The following SLC4A4 variants were observed in gnomAD, a reference collection of about 807,000 sequenced individuals.
The protein encoded by SLC4A4 is solute carrier family 4 member 4, also known as electrogenic sodium bicarbonate cotransporter 1.
SLC4A4 carries 27 observed loss-of-function variants against 111.5 expected under a neutral mutation model. The ratio of observed to expected loss-of-function variants is 0.24; its 90% CI spans 0.18 to 0.33. The LOEUF is 0.33. Ranked by LOEUF, SLC4A4 falls within the 10% of genes least tolerant of loss-of-function variation. SLC4A4 has a pLI of 1.00. For synonymous variants in SLC4A4, 443 were observed against 463.4 expected, an observed-to-expected ratio of 0.96 and a Z score of 0.57; for missense variants, 909 against 1,315.5, an observed-to-expected ratio of 0.69 and a Z score of 4.78.
At chr4:71,557,402 T>C (rs1471733237) in intron 21 of SLC4A4, among the ~76,000 whole-genome samples, 1 of 151,938 alleles carries the variant, frequency 6.6e-6, no homozygotes, top group Non-Finnish European at 1.5e-5. Flanking sequence ...TCCACTTTCC[T>C]GAGACTCAGA....
intron 2 of SLC4A4, among the ~76,000 whole-genome samples, chr4:71,097,912 G>A (rs150845539): frequency 3.9e-5 from 6 of 152,164 alleles, no homozygotes; most frequent in Admixed American, 1.3e-4. Flanking sequence ...GTAGATGCTG[G>A]ATATTAGACC....
intron 4 of SLC4A4, 51 bp downstream of exon 4, chr4:71,339,556 G>A (rs1291658001): frequency 6.3e-7 from 1 of 1,583,388 alleles, no homozygotes; most frequent in African/African-American, 1.3e-5. Context: ...ACAAGGGCAG[G>A]GCAAGATGCT....
chr4:71,357,277 C>A, intron 6 of SLC4A4, 90 bp downstream of exon 6: 1 of 1,350,638 alleles, frequency 7.4e-7, no homozygotes, highest in East Asian at 2.3e-5. Flanking sequence ...TAACCCTTCT[C>A]CATATTTTTT....
At chr4:71,422,131 A>G (rs6832608) in intron 7 of SLC4A4, among the ~76,000 whole-genome samples, 14,312 of 135,390 alleles carry the variant, frequency 0.11, 621 homozygotes, top group African/African-American at 0.21. Context: ...TCAAATAGAC[A>G]CAATAAAAAA....
intron 3 of SLC4A4, among the ~76,000 whole-genome samples, chr4:71,302,269 A>G (rs1209395418): frequency 6.6e-6 from 1 of 152,182 alleles, no homozygotes; most frequent in Non-Finnish European, 1.5e-5. Context: ...ATGATTTTTT[A>G]AAAATCTTGA....
chr4:71,371,766 TA>T (rs1201370607), intron 6 of SLC4A4, among the ~76,000 whole-genome samples: 1 of 151,994 alleles, frequency 6.6e-6, no homozygotes, highest in South Asian at 2.1e-4. Flanking sequence ...ACTATCTACA[TA>T]AAAAAAAGCC....
chr4:71,264,242 T>A (rs1432285086), intron 3 of SLC4A4, among the ~76,000 whole-genome samples: 3 of 152,214 alleles, frequency 2.0e-5, no homozygotes, highest in Non-Finnish European at 4.4e-5. Context: ...ATTCTTTTGC[T>A]ATTTGCCAAT....
intron 2 of SLC4A4, among the ~76,000 whole-genome samples, chr4:71,168,177 CTTTTTTTTTTTT>C (rs777092928): frequency 9.4e-6 from 1 of 106,242 alleles, no homozygotes; most frequent in Non-Finnish European, 1.8e-5. Flanking sequence ...CAATTATACT[CTTTTTTTTTTTT>C]TTTTTTTTTT....
intron 6 of SLC4A4, among the ~76,000 whole-genome samples, chr4:71,393,480 G>T (rs981141866): frequency 1.3e-5 from 2 of 152,032 alleles, no homozygotes; most frequent in African/African-American, 4.8e-5. Context: ...CATCAACAAG[G>T]CAAACTATAA....
At chr4:71,364,751 A>G (rs1477465342) in intron 6 of SLC4A4, among the ~76,000 whole-genome samples, 1 of 152,206 alleles carries the variant, frequency 6.6e-6, no homozygotes, top group African/African-American at 2.4e-5. Context: ...TTCAGATCCT[A>G]GCACACTGTA....
In SLC4A4 at chr4:71,439,535, T is replaced by G. The variant is rs556752127; in HGVS notation, c.808-1081T>G. The stretch of plus-strand genomic sequence containing the variant: ...ATTCGTCCATTCTTAGCTCCCATCT[T>G]ACCTGAACCTTCAGCAGCCTGTGAT... On this transcript the variant is annotated intron_variant, in intron 7 of 25. Coordinates refer to ENST00000264485, the MANE Select transcript of SLC4A4 (RefSeq NM_001098484.3). 4.7e-5 allele frequency among the ~76,000 whole-genome samples: 7 copies of G among 149,766 alleles called. No individual in the cohort carries two copies. The South Asian group carries it at 1.5e-3, about 32-fold the overall frequency.
chr4:71,368,769 G>T (rs1434058060), intron 6 of SLC4A4, among the ~76,000 whole-genome samples: 1 of 152,150 alleles, frequency 6.6e-6, no homozygotes, highest in Non-Finnish European at 1.5e-5. Flanking sequence ...TATTAGAACT[G>T]CAGGGTGGAT....
intron 7 of SLC4A4, among the ~76,000 whole-genome samples, chr4:71,429,762 A>T (rs1475397853): frequency 6.6e-6 from 1 of 152,160 alleles, no homozygotes; most frequent in Non-Finnish European, 1.5e-5. Context: ...TATTTTTTGA[A>T]GAAACAACTT....
At chr4:71,173,824 A>G (rs1041911704) in intron 2 of SLC4A4, among the ~76,000 whole-genome samples, 10 of 152,262 alleles carry the variant, frequency 6.6e-5, no homozygotes, top group African/African-American at 2.4e-4. Flanking sequence ...ATAGACATAT[A>G]GCTTCTTGTG....
intron 2 of SLC4A4, among the ~76,000 whole-genome samples, chr4:71,177,152 C>A (rs1002414563): frequency 2.0e-5 from 3 of 152,166 alleles, no homozygotes; most frequent in African/African-American, 7.2e-5. Flanking sequence ...ACCACCAGGC[C>A]TGCCCTAAAA....
At chr4:71,187,151 G>T (rs1745492524), upstream of SLC4A4, 1 of 151,958 alleles carries the variant, frequency 6.6e-6, no homozygotes. Flanking sequence ...CGGGTGACTG[G>T]CGCCCCGCTC....
intron 3 of SLC4A4, among the ~76,000 whole-genome samples, chr4:71,268,495 T>G (rs987969862): frequency 1.3e-5 from 2 of 152,192 alleles, no homozygotes; most frequent in African/African-American, 4.8e-5. Flanking sequence ...GGTTTTGGTT[T>G]GTTAGCTTAT....
intron 1 of SLC4A4, 158 bp from the exon 2 acceptor site, chr4:71,236,418 A>G: frequency 1.3e-6 from 1 of 761,068 alleles, no homozygotes; most frequent in South Asian, 1.7e-5. Context: ...AGATGAGAGG[A>G]GCTGCGTGAA....
intron 6 of SLC4A4, among the ~76,000 whole-genome samples, chr4:71,364,401 T>A (rs1305959025): frequency 6.6e-6 from 1 of 152,226 alleles, no homozygotes; most frequent in Admixed American, 6.5e-5. Flanking sequence ...GATACCATTG[T>A]GCTTTGGTGC....
Sources: gnomAD v4.1 joint callset for allele counts (sites outside exome capture counted in the v4.1 genomes callset) on GRCh38, gnomAD v4.1.1 for gene constraint, MANE v1.5 for transcripts, NCBI Gene and HGNC (gene_info 2026-07-23, HGNC 2026-07-21) for gene names.